Variants in NEO1 observed in about 807,000 individuals in gnomAD.
NEO1 encodes neogenin 1, also known as neogenin.
In NEO1, 63 loss-of-function variants were observed where a neutral mutation model predicts 159.7. The observed-to-expected ratio is 0.39, with a 90% CI of 0.32 to 0.49. The LOEUF (loss-of-function observed/expected upper bound fraction) is 0.49, where lower values mean the gene tolerates loss of function less well. Among genes scored for constraint, NEO1 ranks in the 20% least tolerant of loss-of-function variants. The pLI is 0.85. For synonymous variants in NEO1, 633 were observed against 662.0 expected (o/e 0.96, Z 0.67); for missense variants, 1,615 against 1,831.0 (o/e 0.88, Z 2.15).
intron 5 of NEO1, among the ~76,000 whole-genome samples, chr15:73,159,960 C>G (rs544427341): frequency 6.6e-6 from 1 of 152,066 alleles, no homozygotes; most frequent in South Asian, 2.1e-4. Context: ...GGTTCAACAT[C>G]TTTTCTCATA....
intron 7 of NEO1, 111 bp from the exon 8 acceptor site, chr15:73,236,236 A>G: frequency 7.1e-7 from 1 of 1,408,774 alleles, no homozygotes; most frequent in Non-Finnish European, 9.8e-7. Flanking sequence ...TCTCTTTTTT[A>G]AAACCGTCGT....
At chr15:73,064,655 C>T (rs2068124950) in intron 1 of NEO1, among the ~76,000 whole-genome samples, 2 of 151,840 alleles carry the variant, frequency 1.3e-5, no homozygotes, top group South Asian at 4.2e-4. Context: ...TTTTTAGAAA[C>T]AAGATCTTAC....
chr15:73,238,592 A>G (rs1244027240), intron 8 of NEO1, among the ~76,000 whole-genome samples: 1 of 151,816 alleles, frequency 6.6e-6, no homozygotes, highest in Non-Finnish European at 1.5e-5. Context: ...ATATATTAGA[A>G]GAAAATATAG....
intron 7 of NEO1, among the ~76,000 whole-genome samples, chr15:73,198,274 C>T (rs2036653821): frequency 6.6e-6 from 1 of 152,094 alleles, no homozygotes; most frequent in African/African-American, 2.4e-5. Context: ...ATATACTGTA[C>T]ATTGTCCTAA....
chr15:73,298,353 G>A lies in NEO1; in HGVS notation c.3907G>A (p.Val1303Ile), dbSNP rs375576975. Residue 1303 changes from valine to isoleucine, a missense_variant, in exon 27 of 29, where the codon GTT becomes ATT. This residue lies in a region of NEO1 where 471 missense variants were observed against 498.9 expected (regional missense o/e 0.94). Transcript: ENST00000261908. ...TTTAGACTTTCCTGCTGTAGAATCC[G>A]TTCGAAATACCCCCAGCACTGACAC... is the stretch of plus-strand genomic sequence containing the variant. ...LSDRANSTES[V>I]RNTPSTDTMP... is the part of the protein sequence containing the mutation. 55 of 1,613,760 alleles carry A rather than the reference G, an allele frequency of 3.4e-5. No individual in the cohort carries two copies. The highest frequency in any genetic ancestry group is 6.7e-5 in the Admixed American group (4 of 59,986).
At chr15:73,196,150 T>A (rs1305785269) in intron 7 of NEO1, among the ~76,000 whole-genome samples, 1 of 152,188 alleles carries the variant, frequency 6.6e-6, no homozygotes, top group Non-Finnish European at 1.5e-5. Context: ...AAGGCTATCT[T>A]TTTTCTGGGC....
At chr15:73,255,239 A>G (rs1451094970) in intron 13 of NEO1, 12 of 157,232 alleles carry the variant, frequency 7.6e-5, no homozygotes, top group Non-Finnish European at 1.4e-5. Context: ...CGTGGCCTGA[A>G]ACAGTATTTG....
At chr15:73,178,549 A>C in intron 7 of NEO1, 122 bp downstream of exon 7, 1 of 1,043,894 alleles carries the variant, frequency 9.6e-7, no homozygotes, top group Non-Finnish European at 1.3e-6. Context: ...CATAGCTAAG[A>C]GAAAAAGAAT....
At chr15:73,203,115 T>C (rs1343405145) in intron 7 of NEO1, among the ~76,000 whole-genome samples, 1 of 152,202 alleles carries the variant, frequency 6.6e-6, no homozygotes, top group Admixed American at 6.5e-5. Context: ...AATTCTCTAG[T>C]GTATACTCAG....
chr15:73,108,011 G>C (rs1173794578), intron 1 of NEO1, among the ~76,000 whole-genome samples: 2 of 152,162 alleles, frequency 1.3e-5, no homozygotes, highest in East Asian at 1.9e-4. Context: ...GTGAGGCCCG[G>C]TCTGTACCAA....
chr15:73,301,281 C>A (rs761859208), intron 27 of NEO1, 40 bp from the exon 28 acceptor site: 19 of 1,612,800 alleles, frequency 1.2e-5, no homozygotes, highest in Non-Finnish European at 8.5e-7. Flanking sequence ...CTAGGGGAGG[C>A]AGGCTTGGCC....
chr15:73,210,985 C>T (rs375596249), intron 7 of NEO1, among the ~76,000 whole-genome samples: 5 of 152,232 alleles, frequency 3.3e-5, no homozygotes, highest in African/African-American at 4.8e-5. Flanking sequence ...ACAAAGAAAA[C>T]GAATGTCATA....
intron 1 of NEO1, among the ~76,000 whole-genome samples, chr15:73,095,932 T>C (rs192150954): frequency 1.3e-5 from 2 of 152,256 alleles, no homozygotes; most frequent in East Asian, 3.9e-4. Context: ...AAAGCCCCTA[T>C]CAGAGCAGTA....
rs770185773 is a variant in NEO1, at chr15:73,249,106, G to A, written c.1653G>A (p.Ser551=). Residue 551 remains serine, a synonymous_variant, in exon 10 of 29, where the codon TCG becomes TCA. Coordinates refer to ENST00000261908, the MANE Select transcript of NEO1 (RefSeq NM_002499.4). ...CTAACCTTCGTGCATATGCAGCTTC[G>A]CCTACCTCCATCACTGTTACGTGGG... ...PAPNLRAYAA[S]PTSITVTWET... is the part of the protein sequence containing the mutation. 23 of 1,613,862 alleles carry A rather than the reference G, an allele frequency of 1.4e-5. No homozygotes were observed. Among genetic ancestry groups the A allele is most frequent in the East Asian group, 2.2e-5 (1 of 44,880 alleles).
At chr15:73,135,824 G>C in intron 4 of NEO1, 67 bp from the exon 5 acceptor site, 1 of 1,338,620 alleles carries the variant, frequency 7.5e-7, no homozygotes, top group Non-Finnish European at 9.7e-7. Flanking sequence ...TTTATGTGGA[G>C]AGTTTTTCAG....
At chr15:73,144,084 T>A (rs1184008981) in intron 5 of NEO1, among the ~76,000 whole-genome samples, 2 of 152,272 alleles carry the variant, frequency 1.3e-5, no homozygotes, top group Non-Finnish European at 2.9e-5. Flanking sequence ...GTGGTTACTT[T>A]ACTATTCATG....
chr15:73,182,617 A>G (rs559884653), intron 7 of NEO1, among the ~76,000 whole-genome samples: 1 of 152,256 alleles, frequency 6.6e-6, no homozygotes, highest in Non-Finnish European at 1.5e-5. Flanking sequence ...GGCAAAAGGC[A>G]CATGTTACAT....
intron 15 of NEO1, among the ~76,000 whole-genome samples, chr15:73,262,946 T>C (rs1296371365): frequency 5.3e-5 from 8 of 152,144 alleles, no homozygotes; most frequent in African/African-American, 1.9e-4. Flanking sequence ...CAAACACTGT[T>C]ATATTTTGTG....
intron 22 of NEO1, among the ~76,000 whole-genome samples, chr15:73,279,654 G>T (rs552460441): frequency 7.3e-4 from 111 of 152,194 alleles, no homozygotes; most frequent in African/African-American, 2.4e-3. Flanking sequence ...CGGGGCCCGC[G>T]TGCACGTTTT....
Sources: allele counts gnomAD v4.1 joint callset (sites outside exome capture counted in the v4.1 genomes callset), GRCh38; gene constraint gnomAD v4.1.1; regional missense constraint gnomAD v4.1.1; transcripts MANE v1.5; gene names NCBI Gene and HGNC (gene_info 2026-07-23, HGNC 2026-07-21).